Variants in OLA1 observed in about 807,000 individuals in gnomAD.
OLA1 encodes Obg like ATPase 1, also known as obg-like ATPase 1.
Under a neutral mutation model 48.4 loss-of-function variants are expected in OLA1, and 14 were observed. The observed-to-expected ratio is 0.29, with a 90% CI of 0.19 to 0.45. The LOEUF (loss-of-function observed/expected upper bound fraction) is 0.45. OLA1 is among the 20% of genes least tolerant of loss of function. OLA1 has a pLI of 1.00. For synonymous variants in OLA1, 127 were observed against 150.4 expected, an observed-to-expected ratio of 0.84 and a Z score of 1.14; for missense variants, 325 against 467.1, an observed-to-expected ratio of 0.70 and a Z score of 2.80.
At chr2:174,102,736 A>T (rs1334448208) in intron 7 of OLA1, among the ~76,000 whole-genome samples, 1 of 152,168 alleles carries the variant, frequency 6.6e-6, no homozygotes, top group African/African-American at 2.4e-5. Flanking sequence ...CATTTTACAT[A>T]TGCCATTTCA....
chr2:174,159,344 C>T (rs1425477572), intron 4 of OLA1, among the ~76,000 whole-genome samples: 1 of 152,132 alleles, frequency 6.6e-6, no homozygotes, highest in African/African-American at 2.4e-5. Context: ...AAATAAGTGA[C>T]TACTTTCTTT....
intron 4 of OLA1, among the ~76,000 whole-genome samples, chr2:174,201,039 G>C (rs928910340): frequency 1.3e-5 from 2 of 152,150 alleles, no homozygotes; most frequent in Admixed American, 6.5e-5. Flanking sequence ...CAACTTGTCT[G>C]ACTAAAGATG....
intron 2 of OLA1, among the ~76,000 whole-genome samples, chr2:174,230,475 C>A (rs1335568094): frequency 6.6e-6 from 1 of 152,134 alleles, no homozygotes; most frequent in African/African-American, 2.4e-5. Context: ...CATTCTGCAT[C>A]CCCTAACAAA....
Position 174,141,906 on chromosome 2 carries a change from A to T in OLA1, c.468T>A (p.Asp156Glu). Residue 156 changes from aspartate (D) to glutamate (E), a missense_variant, in exon 5 of 11, where the codon GAT becomes GAA. Asp to Glu is a conservative substitution (Grantham distance 45). Transcript: ENST00000284719. ...CTATAATGGGCCCAATCATTTCCTC[A>T]TCTTTAAGCTGAAGCTCTTCATGTA... ...EIIHEELQLK[D>E]EEMIGPIIDK... The T allele has an allele frequency of 1.2e-6, 2 of 1,612,648 alleles. No individual in the cohort carries two copies. Among genetic ancestry groups the T allele is most frequent in the Non-Finnish European group, 1.7e-6 (2 of 1,179,668 alleles).
intron 5 of OLA1, among the ~76,000 whole-genome samples, chr2:174,128,400 C>CAA (rs1454111930): frequency 7.3e-6 from 1 of 137,862 alleles, no homozygotes; most frequent in Admixed American, 7.2e-5. Flanking sequence ...ACCCTGTCTC[C>CAA]AAAAAAAAAA....
chr2:174,078,840 G>T, intron 10 of OLA1, 128 bp downstream of exon 10: 1 of 879,278 alleles, frequency 1.1e-6, no homozygotes. Context: ...AACACTAAAC[G>T]CTGATCATCT....
At chr2:174,084,671 G>A (rs1684928228) in intron 7 of OLA1, among the ~76,000 whole-genome samples, 1 of 152,244 alleles carries the variant, frequency 6.6e-6, no homozygotes, top group South Asian at 2.1e-4. Flanking sequence ...GCAGAAAAAT[G>A]TCTATTCTCT....
At chr2:174,120,334 T>C (rs1685886334) in intron 7 of OLA1, among the ~76,000 whole-genome samples, 1 of 152,156 alleles carries the variant, frequency 6.6e-6, no homozygotes, top group Non-Finnish European at 1.5e-5. Context: ...ATCTTAGTTA[T>C]AAGTAACAGC....
rs1026540050 is a variant in OLA1, at chr2:174,074,451, T to C, written c.*975A>G. ...TAAGAAGTGCTTAACTTACCCATAC[T>C]ACCACTTCGACTGCTCTCAAATATC... On this transcript the variant is annotated 3_prime_UTR_variant, in exon 11 of 11. Transcript: ENST00000284719. The C allele has an allele frequency of 1.3e-5, 2 of 149,026 alleles. No individual in the cohort carries two copies. Among genetic ancestry groups the C allele is most frequent in the Non-Finnish European group, 3.0e-5 (2 of 66,366 alleles). The allele number at this position is 149,026 out of a possible 1,614,324, so 9.2% of individuals were successfully genotyped here.
At chr2:174,224,245 T>G (rs2105451601) in intron 3 of OLA1, among the ~76,000 whole-genome samples, 1 of 152,302 alleles carries the variant, frequency 6.6e-6, no homozygotes, top group South Asian at 2.1e-4. Context: ...AGTTTTTTGT[T>G]GTTGGACACA....
intron 4 of OLA1, among the ~76,000 whole-genome samples, chr2:174,156,883 C>T (rs1289036974): frequency 1.3e-5 from 2 of 151,994 alleles, no homozygotes; most frequent in Non-Finnish European, 2.9e-5. Flanking sequence ...CCATGCCCAG[C>T]CTGCTACCAC....
chr2:174,075,413 C>G lies in OLA1; in HGVS notation c.*13G>C. ...TTTGGAAGTTGTATGTTTATCTGAG[C>G]AATAACTAAATTTTATTTCTTCTTC... On this transcript the variant is annotated 3_prime_UTR_variant, in exon 11 of 11. Transcript: ENST00000284719. The G allele has an allele frequency of 6.7e-7, 1 of 1,482,706 alleles. No individual in the cohort carries two copies. The highest frequency in any genetic ancestry group is 9.4e-7 in the Non-Finnish European group (1 of 1,064,086). The allele number at this position is 1,482,706 out of a possible 1,614,324, so 91.8% of individuals were successfully genotyped here.
chr2:174,234,705 C>T (rs968538480), intron 2 of OLA1, among the ~76,000 whole-genome samples: 4 of 152,166 alleles, frequency 2.6e-5, no homozygotes, highest in African/African-American at 9.7e-5. Context: ...CTCAAGCAAT[C>T]TGCCAGCTTC....
At chr2:174,116,465 T>C (rs916884095) in intron 7 of OLA1, among the ~76,000 whole-genome samples, 2 of 152,154 alleles carry the variant, frequency 1.3e-5, no homozygotes, top group Non-Finnish European at 2.9e-5. Flanking sequence ...GCTCTTATTC[T>C]AGCCAAAGCA....
chr2:174,130,506 C>G (rs1053993273), intron 5 of OLA1, among the ~76,000 whole-genome samples: 2 of 152,128 alleles, frequency 1.3e-5, no homozygotes, highest in Non-Finnish European at 2.9e-5. Flanking sequence ...GTTCCTGGCC[C>G]CTGTCTGCAA....
chr2:174,159,467 C>T (rs1381306835), intron 4 of OLA1, among the ~76,000 whole-genome samples: 1 of 152,096 alleles, frequency 6.6e-6, no homozygotes, highest in Non-Finnish European at 1.5e-5. Flanking sequence ...AAAGTTAGCA[C>T]CTGCATGCAA....
chr2:174,145,752 T>A (rs10930643), intron 4 of OLA1, among the ~76,000 whole-genome samples: 19,368 of 152,220 alleles, frequency 0.13, 1,450 homozygotes, highest in East Asian at 0.21. Context: ...TAGCCAAAAA[T>A]GTGAGTAATT....
chr2:174,237,095 AAAATAC>A (rs748842941), intron 2 of OLA1, among the ~76,000 whole-genome samples: 23 of 152,352 alleles, frequency 1.5e-4, no homozygotes, highest in South Asian at 4.1e-4. Flanking sequence ...CACTTAGCTT[AAAATAC>A]AAATACACTG....
chr2:174,204,123 C>T (rs1688055503), intron 4 of OLA1, among the ~76,000 whole-genome samples: 1 of 151,158 alleles, frequency 6.6e-6, no homozygotes, highest in Non-Finnish European at 1.5e-5. Flanking sequence ...AAATTTAGTC[C>T]AGGCGCAGTG....
Sources: gnomAD v4.1 joint callset for allele counts (sites outside exome capture counted in the v4.1 genomes callset) on GRCh38, gnomAD v4.1.1 for gene constraint, MANE v1.5 for transcripts, NCBI Gene and HGNC (gene_info 2026-07-23, HGNC 2026-07-21) for gene names.